The following NLRC4 variants were observed in gnomAD, a reference collection of about 807,000 sequenced individuals.
The protein encoded by NLRC4 is NLR family CARD domain-containing protein 4.
Under a neutral mutation model 79.9 loss-of-function variants are expected in NLRC4, and 63 were observed. That is an observed-to-expected ratio of 0.79 (90% CI 0.64 to 0.97). The LOEUF is 0.97. Ranked by LOEUF, NLRC4 falls within the 50% of genes least tolerant of loss-of-function variation. The pLI is 0.00. For missense variants in NLRC4, 1,074 were observed against 1,215.2 expected, an observed-to-expected ratio of 0.88 and a Z score of 1.73; for synonymous variants, 461 against 456.5, an observed-to-expected ratio of 1.01 and a Z score of -0.12.
At chr2:32,261,407 G>A (rs1687348018) in intron 1 of NLRC4, among the ~76,000 whole-genome samples, 2 of 142,716 alleles carry the variant, frequency 1.4e-5, no homozygotes, top group South Asian at 4.6e-4. Context: ...TGCCATCTGG[G>A]TTCAAGCGAT....
At chr2:32,252,340 G>T in intron 3 of NLRC4, 79 bp downstream of exon 3, 1 of 1,022,674 alleles carries the variant, frequency 9.8e-7, no homozygotes, top group Non-Finnish European at 1.5e-6. Flanking sequence ...AAAAGCAGAG[G>T]CTCTGCCATG....
intron 6 of NLRC4, among the ~76,000 whole-genome samples, chr2:32,236,864 G>GA (rs1020998082): frequency 1.1e-4 from 7 of 64,534 alleles, no homozygotes; most frequent in Non-Finnish European, 2.2e-4. Flanking sequence ...AAATGGATGA[G>GA]AAAAAAAACA....
intron 8 of NLRC4, among the ~76,000 whole-genome samples, chr2:32,234,704 C>T (rs1686631774): frequency 6.6e-6 from 1 of 152,246 alleles, no homozygotes. Flanking sequence ...CTCCAGCCAA[C>T]AGCCAGTGTT....
In NLRC4 at chr2:32,251,230, G is replaced by C; in HGVS notation, c.634C>G (p.Leu212Val). Residue 212 changes from leucine to valine, a missense_variant, in exon 4 of 9, where the codon CTT (leucine) becomes GTT (valine). By Grantham distance (32) the Leu-to-Val change is conservative. Transcript: ENST00000402280. Reference protein sequence around the residue: ...FLRLSRAQGGLFETLCDQLLD... With the variant: ...FLRLSRAQGGVFETLCDQLLD... ...AGTTGATCACAGAGGGTTTCAAAAA[G>C]TCCACCCTGGGCCCTGCTGAGACGG... 1 of 1,614,196 alleles carries C rather than the reference G, an allele frequency of 6.2e-7. No homozygotes were observed. The highest frequency in any genetic ancestry group is 8.5e-7 in the Non-Finnish European group (1 of 1,180,032).
At chr2:32,257,612 GAA>G (rs144558409) in intron 1 of NLRC4, among the ~76,000 whole-genome samples, 75,893 of 122,506 alleles carry the variant, frequency 0.62, 21,252 homozygotes, top group African/African-American at 0.64. Flanking sequence ...GCCTCAAAAA[GAA>G]AAAAAAAAAA....
chr2:32,260,974 C>G (rs1277128062), intron 1 of NLRC4, among the ~76,000 whole-genome samples: 5 of 151,976 alleles, frequency 3.3e-5, no homozygotes, highest in Admixed American at 2.0e-4. Flanking sequence ...AGGCGGATCA[C>G]AAAGTCAGGA....
rs1473763050 is a variant in NLRC4, at chr2:32,251,182, T to C, written c.682A>G (p.Arg228Gly). 6.2e-7 allele frequency: 1 copy of C among 1,614,242 alleles called. No homozygotes were observed. Among genetic ancestry groups the C allele is most frequent in the East Asian group, 2.2e-5 (1 of 44,888 alleles). Residue 228 changes from arginine (R) to glycine (G), a missense_variant, in exon 4 of 9, where the codon AGG becomes GGG. Coordinates refer to ENST00000402280, the MANE Select transcript of NLRC4 (RefSeq NM_001199138.2). ...DQLLDIPGTI[R>G]KQTFMAMLLK... Reference sequence around the variant, plus strand: ...AGCATGGCCATGAATGTCTGCTTCCTGATTGTGCCAGGTATATCCAGGAGT... The same window carrying C: ...AGCATGGCCATGAATGTCTGCTTCCCGATTGTGCCAGGTATATCCAGGAGT...
At position 32,252,429 on chromosome 2, in the gene NLRC4, C is replaced by CA; in HGVS notation, c.251dup (p.Leu84PhefsTer39). 1 of 1,608,604 alleles carries CA rather than the reference C, an allele frequency of 6.2e-7. No homozygotes were observed. The highest frequency in any genetic ancestry group is 8.5e-7 in the Non-Finnish European group (1 of 1,175,060). ...CTAACTGATACTTACTTTGTCCATT[C>CA]AAGTCCTGAAATAGAGGATAGTTCC... On this transcript the variant is annotated frameshift_variant, in exon 3 of 9. Coordinates refer to ENST00000402280, the MANE Select transcript of NLRC4 (RefSeq NM_001199138.2). LOFTEE classifies it high-confidence loss of function.
At chr2:32,255,238 C>T (rs867508972) in intron 2 of NLRC4, among the ~76,000 whole-genome samples, 1 of 152,056 alleles carries the variant, frequency 6.6e-6, no homozygotes, top group Non-Finnish European at 1.5e-5. Flanking sequence ...AATACAGCCT[C>T]ACCCGGGCGC....
upstream of NLRC4, chr2:32,265,007 T>A (rs547469028): frequency 5.3e-5 from 8 of 151,752 alleles, no homozygotes; most frequent in African/African-American, 1.9e-4. Flanking sequence ...GGGGAAGAAG[T>A]AGAACTTCAG....
At chr2:32,244,199 A>G (rs1043907221) in intron 4 of NLRC4, among the ~76,000 whole-genome samples, 1 of 152,094 alleles carries the variant, frequency 6.6e-6, no homozygotes, top group Non-Finnish European at 1.5e-5. Context: ...ACAGTGAGCT[A>G]TGATCACGCC....
chr2:32,227,629 C>A (rs1207016159), intron 8 of NLRC4, among the ~76,000 whole-genome samples: 1 of 152,122 alleles, frequency 6.6e-6, no homozygotes, highest in Non-Finnish European at 1.5e-5. Context: ...CCCATTCCAC[C>A]CTCACAGGGT....
intron 1 of NLRC4, among the ~76,000 whole-genome samples, chr2:32,262,546 G>A (rs755405935): frequency 1.3e-5 from 2 of 152,108 alleles, no homozygotes; most frequent in Non-Finnish European, 2.9e-5. Context: ...AGACTGAGGA[G>A]GGTGGATCAC....
intron 8 of NLRC4, among the ~76,000 whole-genome samples, chr2:32,228,761 C>T (rs971859596): frequency 2.0e-5 from 3 of 151,648 alleles, no homozygotes; most frequent in Admixed American, 6.6e-5. Context: ...ATAGGGTCTG[C>T]GATGGCTTTT....
chr2:32,262,112 A>G (rs1011065176), intron 1 of NLRC4, among the ~76,000 whole-genome samples: 8 of 152,142 alleles, frequency 5.3e-5, no homozygotes, highest in African/African-American at 1.9e-4. Context: ...AAGAAAAGAA[A>G]AGAAATTGGG....
chr2:32,237,376 C>T (rs935836517), intron 6 of NLRC4, among the ~76,000 whole-genome samples: 2 of 152,128 alleles, frequency 1.3e-5, no homozygotes, highest in Non-Finnish European at 2.9e-5. Flanking sequence ...ATTTGCAGTT[C>T]TAAGCCTGTC....
At chr2:32,234,048 A>G (rs757221761) in intron 8 of NLRC4, among the ~76,000 whole-genome samples, 16 of 152,202 alleles carry the variant, frequency 1.1e-4, no homozygotes, top group Non-Finnish European at 2.1e-4. Context: ...GCACAATAAT[A>G]TGAATGTACT....
At chr2:32,240,356 A>G (rs903614392) in intron 5 of NLRC4, among the ~76,000 whole-genome samples, 1 of 151,242 alleles carries the variant, frequency 6.6e-6, no homozygotes. Context: ...GATGAAGGGA[A>G]GAGAGGAGTA....
chr2:32,238,348 G>C (rs377598604), intron 5 of NLRC4, 46 bp from the exon 6 acceptor site: 1 of 1,482,292 alleles, frequency 6.7e-7, no homozygotes, highest in African/African-American at 1.4e-5. Flanking sequence ...AAGTTAATTC[G>C]ATTTAAGCAT....
Sources: gnomAD v4.1 joint callset for allele counts (sites outside exome capture counted in the v4.1 genomes callset) on GRCh38, gnomAD v4.1.1 for gene constraint, MANE v1.5 for transcripts, NCBI Gene and HGNC (gene_info 2026-07-23, HGNC 2026-07-21) for gene names.